Variants in ITGA5 observed in about 807,000 individuals in gnomAD.
The protein encoded by ITGA5 is integrin subunit alpha 5, also known as integrin alpha-5.
ITGA5 carries 55 observed loss-of-function variants against 146.3 expected under a neutral mutation model. That is an observed-to-expected ratio of 0.38 (90% CI 0.30 to 0.47). The LOEUF (loss-of-function observed/expected upper bound fraction) is 0.47, where lower values mean the gene tolerates loss of function less well. Ranked by LOEUF, ITGA5 falls within the 20% of genes least tolerant of loss-of-function variation. ITGA5 has a pLI of 0.99. For missense variants in ITGA5, 1,131 were observed against 1,329.0 expected (o/e 0.85, Z 2.32); for synonymous variants, 500 against 531.8 (o/e 0.94, Z 0.82).
chr12:54,405,210 C>G lies in ITGA5; in HGVS notation c.1181G>C (p.Ser394Thr), dbSNP rs778404382. The change falls in exon 12 of 30, where the codon AGC (serine) becomes ACC (threonine). Residue 394 changes from serine (S) to threonine (T), a missense_variant. Physicochemically the swap from Ser to Thr is moderately conservative, Grantham distance 58 (BLOSUM62 1). Coordinates refer to ENST00000293379, the MANE Select transcript of ITGA5 (RefSeq NM_002205.5). ...TGHDEFGRFG[S>T]SLTPLGDLDQ... ...CAGGTCCCCCAGGGGGGTCAAGGAGCTGCCAAATCGGCCAAACTCATCATG... is the reference window on the plus strand; with the variant it reads ...CAGGTCCCCCAGGGGGGTCAAGGAGGTGCCAAATCGGCCAAACTCATCATG... The G allele has an allele frequency of 6.2e-7, 1 of 1,612,158 alleles. No homozygotes were observed. The highest frequency in any genetic ancestry group is 1.1e-5 in the South Asian group (1 of 90,906).
At chr12:54,412,386 A>G (rs1955957920) in intron 1 of ITGA5, 1 of 153,762 alleles carries the variant, frequency 6.5e-6, no homozygotes, top group African/African-American at 2.4e-5. Context: ...TAGCCTATAT[A>G]CTCTCCTCCC....
chr12:54,409,056 G>C lies in ITGA5; in HGVS notation c.584-102C>G, dbSNP rs567184163. ...GAGGTGGGAGAGAGAACCAGAGAAAGGGCCTTCCTGGACCAGACAGTAAGC... is the reference window on the plus strand; with the variant it reads ...GAGGTGGGAGAGAGAACCAGAGAAACGGCCTTCCTGGACCAGACAGTAAGC... On this transcript the variant is annotated intron_variant, in intron 4 of 29. Coordinates refer to ENST00000293379, the MANE Select transcript of ITGA5 (RefSeq NM_002205.5). This position sits in a 1 kb window ranked among gnomAD's most constrained non-coding sequence, Gnocchi z 4.7. The C allele has an allele frequency of 2.7e-5, 38 of 1,418,838 alleles. No homozygotes were observed. In the African/African-American group the frequency reaches 4.9e-4, roughly 18 times the overall value. The allele number at this position is 1,418,838 out of a possible 1,614,324, so 87.9% of individuals were successfully genotyped here. A position where few individuals can be genotyped will look rare whatever the true frequency, so the allele number is the denominator to read the frequency against.
chr12:54,409,047 C>T lies in ITGA5; in HGVS notation c.584-93G>A, dbSNP rs1217757250. ...ATAGGGAAGGAGGTGGGAGAGAGAA[C>T]CAGAGAAAGGGCCTTCCTGGACCAG... On this transcript the variant is annotated intron_variant, in intron 4 of 29. Transcript: ENST00000293379. This position sits in a 1 kb window ranked among gnomAD's most constrained non-coding sequence, Gnocchi z 4.7. 92 of 1,453,956 alleles carry T rather than the reference C, an allele frequency of 6.3e-5. No homozygotes were observed. The Middle Eastern group carries it at 1.8e-3, about 28-fold the overall frequency. The allele number at this position is 1,453,956 out of a possible 1,614,324, so 90.1% of individuals were successfully genotyped here.
At chr12:54,407,593 G>T in intron 9 of ITGA5, 56 bp downstream of exon 9, 4 of 1,467,708 alleles carry the variant, frequency 2.7e-6, no homozygotes, top group Non-Finnish European at 2.9e-6. Context: ...GCCATGCACG[G>T]TTCTTTGTGA....
chr12:54,398,581 C>T lies in ITGA5; in HGVS notation c.2943+16G>A, dbSNP rs777299350. 6 of 1,588,800 alleles carry T rather than the reference C, an allele frequency of 3.8e-6. No homozygotes were observed. The South Asian group carries it at 5.6e-5, about 15-fold the overall frequency. On this transcript the variant is annotated intron_variant, in intron 28 of 29. Transcript: ENST00000293379. Reference sequence around the variant, plus strand: ...GCCCTGTATTCCCTCATCCAGTCCTCTGGCCCTAGACTCACCTGACGCTCT... The same window carrying T: ...GCCCTGTATTCCCTCATCCAGTCCTTTGGCCCTAGACTCACCTGACGCTCT...
At chr12:54,405,738 C>T (rs570951165) in intron 10 of ITGA5, 22 bp from the exon 11 acceptor site, 59 of 1,613,412 alleles carry the variant, frequency 3.7e-5, no homozygotes, top group South Asian at 2.4e-4. Context: ...AAAGGGGCAG[C>T]GCTGGGTCAG....
Position 54,404,218 on chromosome 12 carries a change from A to G in ITGA5, c.1492T>C (p.Ser498Pro). Residue 498 changes from serine to proline, a missense_variant, in exon 15 of 30, where the codon TCC becomes CCC. Coordinates refer to ENST00000293379, the MANE Select transcript of ITGA5 (RefSeq NM_002205.5). Reference protein sequence around the residue: ...RGRPIVSASASLTIFPAMFNP... With the variant: ...RGRPIVSASAPLTIFPAMFNP... Reference sequence around the variant, plus strand: ...AACATGGCGGGGAAGATGGTGAGGGAGGCACTAGCGGACACGATGGGGCGG... The same window carrying G: ...AACATGGCGGGGAAGATGGTGAGGGGGGCACTAGCGGACACGATGGGGCGG... 1 of 1,601,840 alleles carries G rather than the reference A, an allele frequency of 6.2e-7. No homozygotes were observed. Among genetic ancestry groups the G allele is most frequent in the Non-Finnish European group, 8.5e-7 (1 of 1,173,674 alleles).
At chr12:54,407,533 C>T (rs1955882393) in intron 9 of ITGA5, 116 bp downstream of exon 9, 2 of 816,632 alleles carry the variant, frequency 2.4e-6, no homozygotes, top group Non-Finnish European at 4.3e-6. Flanking sequence ...GAATGCCAGT[C>T]TGCCTCCAGA....
intron 1 of ITGA5, among the ~76,000 whole-genome samples, chr12:54,418,122 T>A (rs1157890870): frequency 6.6e-6 from 1 of 151,402 alleles, no homozygotes; most frequent in African/African-American, 2.4e-5. Flanking sequence ...AGTCCCGGTC[T>A]CAGCACAGCT....
At chr12:54,417,480 G>A (rs1407773704) in intron 1 of ITGA5, among the ~76,000 whole-genome samples, 1 of 151,254 alleles carries the variant, frequency 6.6e-6, no homozygotes, top group African/African-American at 2.4e-5. Flanking sequence ...AGGCCAGGGG[G>A]GTGGGGTGGG....
At chr12:54,418,866 T>C in intron 1 of ITGA5, 115 bp downstream of exon 1, 4 of 1,258,214 alleles carry the variant, frequency 3.2e-6, no homozygotes, top group Non-Finnish European at 4.4e-6. Flanking sequence ...GCAGCTCTAT[T>C]CCTTACAAAC....
chr12:54,399,549 A>G, intron 27 of ITGA5, 96 bp downstream of exon 27: 1 of 859,812 alleles, frequency 1.2e-6, no homozygotes, highest in Non-Finnish European at 2.0e-6. Context: ...GGTCCCATTC[A>G]CCAAAGGAGA....
rs1955957021 is a variant in ITGA5 at position 54,412,336 on chromosome 12, TGGAGCGCCAAGGTCCTGTGGAGCCTCAG to T, written c.219-400_219-373del. The T allele has an allele frequency of 1.8e-5, 3 of 164,554 alleles. No individual in the cohort carries two copies. In the South Asian group the frequency reaches 5.2e-4, roughly 29 times the overall value. 10.2% of individuals were successfully genotyped at this position (164,554 alleles called of 1,614,324 possible). On this transcript the variant is annotated intron_variant, in intron 1 of 29. Coordinates refer to ENST00000293379, the MANE Select transcript of ITGA5 (RefSeq NM_002205.5). ...CTGCTGAGATTAGATGTATAGCTTC[TGGAGCGCCAAGGTCCTGTGGAGCCTCAG>T]GGTCTCTCATCTAGCCTATATACTC...
Position 54,404,856 on chromosome 12 carries a change from GC to G in ITGA5, c.1263del (p.Gln421HisfsTer4). 6.2e-7 allele frequency: 1 copy of G among 1,603,034 alleles called. No individual in the cohort carries two copies. The highest frequency in any genetic ancestry group is 8.5e-7 in the Non-Finnish European group (1 of 1,175,724). On this transcript the variant is annotated frameshift_variant, in exon 13 of 30. Coordinates refer to ENST00000293379, the MANE Select transcript of ITGA5 (RefSeq NM_002205.5). LOFTEE classifies it high-confidence loss of function. ...CCAGGAAATACAAACACTACTCCCT[GC>G]TGGGTCTCCCCACCAAAGGGAGCCC... The part of the protein sequence containing the change: ...AIGAPFGGET[Q>X]QGVVFVFPGG...
chr12:54,408,293 C>T (rs182390130), intron 6 of ITGA5, 58 bp from the exon 7 acceptor site: 1 of 1,587,560 alleles, frequency 6.3e-7, no homozygotes. Flanking sequence ...GGGCTTGGGA[C>T]TCTGGGGGCT....
At chr12:54,405,639 A>C in intron 11 of ITGA5, 25 bp downstream of exon 11, 4 of 1,598,574 alleles carry the variant, frequency 2.5e-6, no homozygotes, top group Non-Finnish European at 3.4e-6. Context: ...AGGGTATCAC[A>C]GTGCGCTCAT....
chr12:54,407,636 G>A lies in ITGA5; in HGVS notation c.906+13C>T. The A allele has an allele frequency of 6.2e-7, 1 of 1,609,338 alleles. No individual in the cohort carries two copies. Among genetic ancestry groups the A allele is most frequent in the Non-Finnish European group, 8.5e-7 (1 of 1,175,612 alleles). On this transcript the variant is annotated intron_variant, in intron 9 of 29. Coordinates refer to ENST00000293379, the MANE Select transcript of ITGA5 (RefSeq NM_002205.5). ...GGGGAGGAGAGGAAGTGAGGGGTCA[G>A]GCTGGGTCTTACATAGCCGTAAGTG...
At position 54,419,188 on chromosome 12, in the gene ITGA5, C is replaced by A; in HGVS notation, c.11G>T (p.Arg4Leu). Reference sequence around the variant, plus strand: ...GGCGTGGAGAGGGGACTCTGGCGTCCGGCTCCCCATAGCGCCCGCTCTTCC... The same window carrying A: ...GGCGTGGAGAGGGGACTCTGGCGTCAGGCTCCCCATAGCGCCCGCTCTTCC... Reference protein sequence around the residue: MGSRTPESPLHAVQ... With the variant: MGSLTPESPLHAVQ... The change falls in exon 1 of 30, where the codon CGG becomes CTG. Residue 4 changes from arginine to leucine, a missense_variant. Physicochemically the swap from Arg to Leu is moderately radical, Grantham distance 102. Coordinates refer to ENST00000293379, the MANE Select transcript of ITGA5 (RefSeq NM_002205.5). The A allele has an allele frequency of 3.2e-6, 5 of 1,563,056 alleles. No homozygotes were observed. Among genetic ancestry groups the A allele is most frequent in the East Asian group, 2.4e-5 (1 of 41,950 alleles).
chr12:54,403,962 T>G lies in ITGA5; in HGVS notation c.1570A>C (p.Asn524His). Residue 524 changes from asparagine to histidine, a missense_variant, in exon 16 of 30, where the codon AAC becomes CAC. Physicochemically the swap from Asn to His is moderately conservative, Grantham distance 68. Coordinates refer to ENST00000293379, the MANE Select transcript of ITGA5 (RefSeq NM_002205.5). The surrounding 1 kb of genome is among the most constrained non-coding windows in gnomAD (Gnocchi z 4.9). ...GAAGCATTGAGGCAGAAGCTAAGGT[T>G]GATGCTGGAGAGAGACCAAGAAGAA... ...SLEGNPVACI[N>H]LSFCLNASGK... 6.2e-7 allele frequency: 1 copy of G among 1,614,170 alleles called. No homozygotes were observed. Among genetic ancestry groups the G allele is most frequent in the Non-Finnish European group, 8.5e-7 (1 of 1,180,018 alleles).
Sources: allele counts gnomAD v4.1 joint callset (sites outside exome capture counted in the v4.1 genomes callset), GRCh38; gene constraint gnomAD v4.1.1; non-coding constraint Gnocchi (gnomAD v3.1); transcripts MANE v1.5; gene names NCBI Gene and HGNC (gene_info 2026-07-23, HGNC 2026-07-21).